Variants in KCNIP4 observed in about 807,000 individuals in gnomAD.
The protein encoded by KCNIP4 is potassium voltage-gated channel interacting protein 4.
In KCNIP4, 12 loss-of-function variants were observed where a neutral mutation model predicts 34.0. The ratio of observed to expected loss-of-function variants is 0.35; its 90% CI spans 0.23 to 0.57. The LOEUF is 0.57. Ranked by LOEUF, KCNIP4 falls within the 20% of genes least tolerant of loss-of-function variation. KCNIP4 has a pLI of 0.83. For synonymous variants in KCNIP4, 124 were observed against 102.2 expected (o/e 1.21, Z -1.29); for missense variants, 238 against 311.7 (o/e 0.76, Z 1.78).
intron 1 of KCNIP4, among the ~76,000 whole-genome samples, chr4:21,653,975 T>TAATACTAG (rs1216715573): frequency 2.0e-5 from 3 of 152,224 alleles, no homozygotes; most frequent in African/African-American, 7.2e-5. Context: ...AAGTTTCTAT[T>TAATACTAG]AATACTAGAA....
intron 1 of KCNIP4, among the ~76,000 whole-genome samples, chr4:21,943,786 T>A (rs2109022407): frequency 6.6e-6 from 1 of 152,202 alleles, no homozygotes. Context: ...GGAGAAGCAG[T>A]TAGTGCAAAT....
intron 1 of KCNIP4, among the ~76,000 whole-genome samples, chr4:21,100,290 C>T (rs1007746078): frequency 2.0e-5 from 3 of 152,110 alleles, no homozygotes; most frequent in African/African-American, 4.8e-5. Context: ...GTGGCTCACA[C>T]CTATAATCCC....
At chr4:21,881,494 C>T (rs1349823183) in intron 1 of KCNIP4, among the ~76,000 whole-genome samples, 1 of 126,352 alleles carries the variant, frequency 7.9e-6, no homozygotes, top group Non-Finnish European at 1.7e-5. Context: ...AAATATAGTA[C>T]TATAACTAGG....
chr4:20,922,547 GTCTATCTA>G (rs1553916287), intron 1 of KCNIP4, among the ~76,000 whole-genome samples: 40,824 of 129,122 alleles, frequency 0.32, 6,258 homozygotes, highest in South Asian at 0.45. Context: ...CTGTCTGTCT[GTCTATCTA>G]TCTATCTATC....
intron 1 of KCNIP4, among the ~76,000 whole-genome samples, chr4:21,396,289 C>T (rs1483101796): frequency 2.0e-5 from 3 of 152,006 alleles, no homozygotes; most frequent in South Asian, 4.1e-4. Flanking sequence ...GGTGTGGTGG[C>T]TCACGCCTGT....
intron 1 of KCNIP4, among the ~76,000 whole-genome samples, chr4:21,136,442 G>A (rs533174259): frequency 6.6e-6 from 1 of 152,284 alleles, no homozygotes; most frequent in Non-Finnish European, 1.5e-5. Flanking sequence ...TGACTCTTCT[G>A]TGTTTATTAG....
intron 1 of KCNIP4, among the ~76,000 whole-genome samples, chr4:20,956,504 CA>C (rs35371161): frequency 1.9e-4 from 28 of 148,340 alleles, no homozygotes; most frequent in Non-Finnish European, 2.5e-4. Context: ...GACTTCCTTC[CA>C]AAAAAAAAAA....
chr4:21,303,796 C>T lies in KCNIP4; in HGVS notation c.62-421087G>A. 1.9e-6 allele frequency: 3 copies of T among 1,608,570 alleles called. No individual in the cohort carries two copies. The South Asian group carries it at 3.3e-5, about 18-fold the overall frequency. On this transcript the variant is annotated intron_variant, in intron 1 of 8. Transcript: ENST00000382152. ...AGAATTTTTAGAAGTCACTAAAAAGCACTCCCTTACCTTCTAAACCTGCTT... is the reference window on the plus strand; with the variant it reads ...AGAATTTTTAGAAGTCACTAAAAAGTACTCCCTTACCTTCTAAACCTGCTT...
rs976879413 is a variant in KCNIP4, at chr4:21,107,450, C to G, written c.62-224741G>C. 4.3e-4 allele frequency among the ~76,000 whole-genome samples: 65 copies of G among 151,220 alleles called. 2 individuals carry two copies. Among genetic ancestry groups the G allele is most frequent in the African/African-American group, 1.5e-3 (59 of 40,666 alleles). The stretch of plus-strand genomic sequence containing the variant: ...GCCTTTTTTTTGTTTTCCATTTGCT[C>G]GGTAGATTTTCCTCCATCCTTTTAT... On this transcript the variant is annotated intron_variant, in intron 1 of 8. Transcript: ENST00000382152.
At chr4:21,385,111 C>T (rs1000182390) in intron 1 of KCNIP4, among the ~76,000 whole-genome samples, 1 of 152,138 alleles carries the variant, frequency 6.6e-6, no homozygotes, top group African/African-American at 2.4e-5. Context: ...GATAGTACTG[C>T]CACAAAGGCA....
chr4:20,850,851 T>C lies in KCNIP4; in HGVS notation c.164-184A>G, dbSNP rs568768234. 2.2e-5 allele frequency: 11 copies of C among 509,390 alleles called. No homozygotes were observed. In the East Asian group the frequency reaches 3.5e-4, roughly 16 times the overall value. The allele number at this position is 509,390 out of a possible 1,614,324, so 31.6% of individuals were successfully genotyped here. Reference sequence around the variant, plus strand: ...TTTAAGCGTATTAAGCTAAAACACTTGTATATGATTTTTTTGCATATTCTT... The same window carrying C: ...TTTAAGCGTATTAAGCTAAAACACTCGTATATGATTTTTTTGCATATTCTT... On this transcript the variant is annotated intron_variant, in intron 2 of 8. Coordinates refer to ENST00000382152, the MANE Select transcript of KCNIP4 (RefSeq NM_025221.6).
At chr4:20,883,093 C>T (rs1724900995) in intron 1 of KCNIP4, among the ~76,000 whole-genome samples, 1 of 142,680 alleles carries the variant, frequency 7.0e-6, no homozygotes, top group Non-Finnish European at 1.5e-5. Flanking sequence ...TTTCAATATT[C>T]AAACCAGCGC....
At chr4:21,556,726 G>A (rs113797519) in intron 1 of KCNIP4, among the ~76,000 whole-genome samples, 3,444 of 151,798 alleles carry the variant, frequency 0.023, 145 homozygotes, top group African/African-American at 0.078. Context: ...TTCCAGACCT[G>A]CCTGGCCAAC....
intron 4 of KCNIP4, among the ~76,000 whole-genome samples, chr4:20,754,384 G>A (rs2291530): frequency 0.039 from 5,949 of 152,174 alleles, 147 homozygotes; most frequent in East Asian, 0.1. Flanking sequence ...CAATGTTACT[G>A]TTCATAATGA....
intron 1 of KCNIP4, among the ~76,000 whole-genome samples, chr4:21,669,977 A>G (rs1436035923): frequency 6.6e-6 from 1 of 152,204 alleles, no homozygotes; most frequent in Non-Finnish European, 1.5e-5. Context: ...AAAGATTTTC[A>G]TGACAACCTT....
At chr4:20,756,190 T>C (rs1477335333) in intron 4 of KCNIP4, among the ~76,000 whole-genome samples, 3 of 150,334 alleles carry the variant, frequency 2.0e-5, no homozygotes. Context: ...AAAAAAGTGT[T>C]GGCAAGGTCA....
chr4:20,839,382 A>T (rs569458419), intron 3 of KCNIP4, among the ~76,000 whole-genome samples: 13 of 151,642 alleles, frequency 8.6e-5, no homozygotes, highest in Non-Finnish European at 1.9e-4. Context: ...ATAGACATCT[A>T]TCTCTATATA....
At chr4:21,541,199 AG>A in intron 1 of KCNIP4, among the ~76,000 whole-genome samples, 1 of 147,426 alleles carries the variant, frequency 6.8e-6, no homozygotes, top group Non-Finnish European at 1.5e-5. Context: ...AAAAAAAAAG[AG>A]AGAGAGAGAG....
In KCNIP4 at chr4:21,698,896, A is replaced by G. The variant is rs151017771; in HGVS notation, c.61+249675T>C. Among the ~76,000 whole-genome samples, 642 of 152,286 alleles carry G rather than the reference A, an allele frequency of 4.2e-3. 7 individuals carry two copies. The highest frequency in any genetic ancestry group is 0.014 in the African/African-American group (600 of 41,540). On this transcript the variant is annotated intron_variant, in intron 1 of 8. Transcript: ENST00000382152. ...TGAATGGAAACTCATTCTCTTCTAG[A>G]ACTCTTCCCCATTCCCACCAGTCTC...
Sources: allele counts gnomAD v4.1 joint callset (sites outside exome capture counted in the v4.1 genomes callset), GRCh38; gene constraint gnomAD v4.1.1; transcripts MANE v1.5; gene names NCBI Gene and HGNC (gene_info 2026-07-23, HGNC 2026-07-21).